Variants in NTRK3 observed in about 807,000 individuals in gnomAD.
NTRK3 encodes the protein neurotrophic receptor tyrosine kinase 3, also known as NT-3 growth factor receptor.
In NTRK3, 24 loss-of-function variants were observed where a neutral mutation model predicts 91.7. The ratio of observed to expected loss-of-function variants is 0.26; its 90% CI spans 0.19 to 0.37. The LOEUF is 0.37. Ranked by LOEUF, NTRK3 falls within the 10% of genes least tolerant of loss-of-function variation. The probability of loss-of-function intolerance (pLI) is 1.00; values close to 1 mark genes in which losing one functional copy is unlikely to be tolerated. For synonymous variants in NTRK3, 483 were observed against 404.0 expected (o/e 1.20, Z -2.34); for missense variants, 880 against 1,068.9 (o/e 0.82, Z 2.46).
chr15:88,010,013 C>T (rs1006377257), intron 14 of NTRK3, among the ~76,000 whole-genome samples: 23 of 152,208 alleles, frequency 1.5e-4, no homozygotes, highest in South Asian at 8.3e-4. Flanking sequence ...GATTAGATGT[C>T]GAGCTTGCCC....
At chr15:87,958,262 C>T (rs886723053) in intron 14 of NTRK3, among the ~76,000 whole-genome samples, 8 of 149,286 alleles carry the variant, frequency 5.4e-5, no homozygotes, top group East Asian at 1.9e-4. Flanking sequence ...TCAACAAAAG[C>T]GAGAACTCTG....
At chr15:87,935,036 A>G (rs953207765) in intron 15 of NTRK3, among the ~76,000 whole-genome samples, 2 of 152,218 alleles carry the variant, frequency 1.3e-5, no homozygotes, top group Non-Finnish European at 2.9e-5. Flanking sequence ...ACTGGGGTTC[A>G]GGATGGGGAA....
At chr15:87,922,175 A>G (rs2067927830) in intron 17 of NTRK3, among the ~76,000 whole-genome samples, 1 of 152,212 alleles carries the variant, frequency 6.6e-6, no homozygotes, top group African/African-American at 2.4e-5. Flanking sequence ...GTTATCTCAC[A>G]GACCACTGGC....
At chr15:88,067,275 A>G (rs1361187789) in intron 13 of NTRK3, among the ~76,000 whole-genome samples, 2 of 152,060 alleles carry the variant, frequency 1.3e-5, no homozygotes, top group Non-Finnish European at 2.9e-5. Flanking sequence ...TGTGAAGTCT[A>G]TATATTTATC....
intron 5 of NTRK3, among the ~76,000 whole-genome samples, chr15:88,152,133 T>A (rs564555951): frequency 6.6e-6 from 1 of 152,212 alleles, no homozygotes; most frequent in East Asian, 1.9e-4. Context: ...AAACCTCATC[T>A]CTACTAAAAA....
chr15:88,193,098 C>T (rs952055175), intron 3 of NTRK3, among the ~76,000 whole-genome samples: 1 of 152,172 alleles, frequency 6.6e-6, no homozygotes, highest in African/African-American at 2.4e-5. Context: ...TAAGTATACA[C>T]CTGGAAAGCC....
chr15:88,215,453 G>A (rs978574377), intron 3 of NTRK3, among the ~76,000 whole-genome samples: 5 of 152,186 alleles, frequency 3.3e-5, no homozygotes, highest in South Asian at 2.1e-4. Flanking sequence ...AGAGCTCCCC[G>A]TGGCTCCCCT....
chr15:88,191,539 C>A (rs1443073975), intron 3 of NTRK3, among the ~76,000 whole-genome samples: 4 of 152,218 alleles, frequency 2.6e-5, no homozygotes, highest in Non-Finnish European at 5.9e-5. Context: ...TTCTCTCCAG[C>A]TAGTGCCTGC....
rs546683184 is a variant in NTRK3, at chr15:87,954,368, G to A, written c.1586-13615C>T. 2.0e-5 allele frequency among the ~76,000 whole-genome samples: 3 copies of A among 152,306 alleles called. No homozygotes were observed. In the East Asian group the frequency reaches 5.8e-4, roughly 29 times the overall value. ...CCACTTTCAGTACAAAAAGTATGGA[G>A]GCTGAATGACCAGACAGCTATACCT... On this transcript the variant is annotated intron_variant, in intron 14 of 18. Transcript: ENST00000394480.
At chr15:87,895,500 C>A (rs779050276) in intron 17 of NTRK3, among the ~76,000 whole-genome samples, 113 of 151,940 alleles carry the variant, frequency 7.4e-4, no homozygotes, top group Non-Finnish European at 1.3e-3. Flanking sequence ...TTTGGCATAA[C>A]AAGGAAAAAA....
intron 3 of NTRK3, among the ~76,000 whole-genome samples, chr15:88,217,764 A>ATTTTTTTTT (rs57874235): frequency 7.0e-6 from 1 of 143,728 alleles, no homozygotes. Context: ...TTGTAGCACA[A>ATTTTTTTTT]TTTTTTTTTT....
At chr15:88,137,354 C>T (rs370205964) in intron 7 of NTRK3, 50 bp downstream of exon 7, 10 of 1,605,596 alleles carry the variant, frequency 6.2e-6, no homozygotes, top group Non-Finnish European at 4.2e-6. Flanking sequence ...TCTCTGGTGT[C>T]TGAGGGATGC....
chr15:88,051,142 A>G (rs2080787256), intron 13 of NTRK3, among the ~76,000 whole-genome samples: 1 of 152,126 alleles, frequency 6.6e-6, no homozygotes, highest in Admixed American at 6.5e-5. Flanking sequence ...TGTTCCCCAA[A>G]TACACAATCT....
chr15:87,980,568 T>A lies in NTRK3; in HGVS notation c.1586-39815A>T, dbSNP rs1406388251. On this transcript the variant is annotated intron_variant, in intron 14 of 18. Transcript: ENST00000394480. ...TTGAATGTGTATGTGTGTGTGAATA[T>A]GTGCACAGAGTAAGCCTATCTTTTT... Among the ~76,000 whole-genome samples, 4 of 152,310 alleles carry A rather than the reference T, an allele frequency of 2.6e-5. No individual in the cohort carries two copies. In the East Asian group the frequency reaches 7.7e-4, roughly 29 times the overall value.
At chr15:87,874,441 C>A in exon 19 of NTRK3, 1 of 231,280 alleles carries the variant, frequency 4.3e-6, no homozygotes. Context: ...GAATCACCTT[C>A]TTTCATTAGG....
intron 13 of NTRK3, among the ~76,000 whole-genome samples, chr15:88,090,750 C>T (rs2048941516): frequency 6.6e-6 from 1 of 152,174 alleles, no homozygotes; most frequent in Non-Finnish European, 1.5e-5. Context: ...CCCTGACCCA[C>T]TCTTAATCTC....
At chr15:88,185,234 A>G (rs976202076) in intron 3 of NTRK3, among the ~76,000 whole-genome samples, 3 of 152,226 alleles carry the variant, frequency 2.0e-5, no homozygotes, top group African/African-American at 7.2e-5. Context: ...TTAATCAGCA[A>G]TATAAATCAC....
At chr15:88,147,525 TTCTTCTTCTTCTTCTTCTTC>T in intron 5 of NTRK3, 122 bp from the exon 6 acceptor site, 1 of 373,214 alleles carries the variant, frequency 2.7e-6, no homozygotes, top group Non-Finnish European at 4.4e-6. Context: ...CTTCTTCTTC[TTCTTCTTCTTCTTCTTCTTC>T]TTCTTCTTCA....
chr15:88,126,166 C>T (rs113395516), intron 13 of NTRK3, 105 bp downstream of exon 13: 8 of 828,730 alleles, frequency 9.7e-6, no homozygotes, highest in South Asian at 2.9e-5. Flanking sequence ...ACCCCATGAC[C>T]GGAGGCCCTC....
Sources: allele counts gnomAD v4.1 joint callset (sites outside exome capture counted in the v4.1 genomes callset), GRCh38; gene constraint gnomAD v4.1.1; transcripts MANE v1.5; gene names NCBI Gene and HGNC (gene_info 2026-07-23, HGNC 2026-07-21).